The following UNC13C variants were observed in gnomAD, a reference collection of about 807,000 sequenced individuals.
UNC13C encodes protein unc-13 homolog C.
UNC13C carries 174 observed loss-of-function variants against 245.4 expected under a neutral mutation model. The ratio of observed to expected loss-of-function variants is 0.71; its 90% CI spans 0.63 to 0.80. UNC13C has a LOEUF of 0.80. Among genes scored for constraint, UNC13C ranks in the 30% least tolerant of loss-of-function variants. The pLI is 0.00. For synonymous variants in UNC13C, 992 were observed against 895.1 expected, an observed-to-expected ratio of 1.11 and a Z score of -1.93; for missense variants, 2,829 against 2,602.9, an observed-to-expected ratio of 1.09 and a Z score of -1.89.
At chr15:54,072,345 C>G (rs1370940087) in intron 2 of UNC13C, among the ~76,000 whole-genome samples, 1 of 152,126 alleles carries the variant, frequency 6.6e-6, no homozygotes, top group Non-Finnish European at 1.5e-5. Context: ...CTTAGTGTAT[C>G]TATAGATAAA....
chr15:54,354,324 T>C (rs2039047097), intron 17 of UNC13C, among the ~76,000 whole-genome samples: 1 of 152,226 alleles, frequency 6.6e-6, no homozygotes, highest in African/African-American at 2.4e-5. Context: ...TGTGCTAAAT[T>C]CACTGACCAG....
At chr15:54,464,311 A>C (rs962684151) in intron 19 of UNC13C, among the ~76,000 whole-genome samples, 1 of 152,090 alleles carries the variant, frequency 6.6e-6, no homozygotes. Flanking sequence ...CAGCATATCC[A>C]TCTTTTATTA....
the UNC13C span, among the ~76,000 whole-genome samples, chr15:53,959,635 C>T: frequency 6.6e-6 from 1 of 152,104 alleles, no homozygotes; most frequent in South Asian, 2.1e-4. Flanking sequence ...AGACCTCTAA[C>T]TCAGTTTGGT....
chr15:53,932,163 G>A, the UNC13C span, among the ~76,000 whole-genome samples: 1 of 152,032 alleles, frequency 6.6e-6, no homozygotes, highest in Admixed American at 6.6e-5. Context: ...ACAAAAATTA[G>A]CTGGGCGTGG....
intron 1 of UNC13C, among the ~76,000 whole-genome samples, chr15:53,997,951 C>T (rs139656414): frequency 7.9e-5 from 12 of 152,020 alleles, no homozygotes; most frequent in African/African-American, 1.7e-4. Context: ...TACAGGTGTG[C>T]GCCACCATGA....
chr15:53,890,140 C>CTTTTT, the UNC13C span, among the ~76,000 whole-genome samples: 5 of 145,244 alleles, frequency 3.4e-5, no homozygotes, highest in Admixed American at 6.9e-5. Context: ...ACCAGCGCCT[C>CTTTTT]TTTTTTTTTT....
At chr15:54,026,100 T>C (rs1032819074) in intron 2 of UNC13C, among the ~76,000 whole-genome samples, 1 of 152,198 alleles carries the variant, frequency 6.6e-6, no homozygotes, top group Non-Finnish European at 1.5e-5. Context: ...TAAGAAAGCA[T>C]TTTACTATCT....
At chr15:54,410,591 A>C (rs1268931489) in intron 18 of UNC13C, among the ~76,000 whole-genome samples, 1 of 152,138 alleles carries the variant, frequency 6.6e-6, no homozygotes, top group East Asian at 1.9e-4. Context: ...CTAGCCAGTT[A>C]TCCCAGCATC....
chr15:54,151,566 C>A (rs2032518450), intron 4 of UNC13C, among the ~76,000 whole-genome samples: 1 of 152,024 alleles, frequency 6.6e-6, no homozygotes, highest in Non-Finnish European at 1.5e-5. Context: ...TCATGCCTGG[C>A]TAATTTTTTT....
chr15:54,124,060 A>C (rs960653815), intron 2 of UNC13C, among the ~76,000 whole-genome samples: 1 of 152,184 alleles, frequency 6.6e-6, no homozygotes, highest in African/African-American at 2.4e-5. Flanking sequence ...CTAGCGTCCT[A>C]TGACATGGAT....
intron 1 of UNC13C, among the ~76,000 whole-genome samples, chr15:54,004,704 A>T (rs1566943010): frequency 6.6e-6 from 1 of 152,208 alleles, no homozygotes; most frequent in Non-Finnish European, 1.5e-5. Context: ...AATCCATTTT[A>T]ACCGGAGCGA....
the UNC13C span, among the ~76,000 whole-genome samples, chr15:53,859,720 C>A: frequency 0.026 from 3,989 of 152,226 alleles, 159 homozygotes; most frequent in African/African-American, 0.092. Context: ...AATGGATACC[C>A]AGGGAAGACA....
At chr15:54,076,112 T>TA (rs112819953) in intron 2 of UNC13C, among the ~76,000 whole-genome samples, 4,463 of 129,592 alleles carry the variant, frequency 0.034, 239 homozygotes, top group African/African-American at 0.11. Flanking sequence ...TATATATATA[T>TA]TTTTTTTTAT....
chr15:54,020,972 A>ATGTTAT (rs1895877912), intron 2 of UNC13C, among the ~76,000 whole-genome samples: 2 of 152,164 alleles, frequency 1.3e-5, no homozygotes, highest in African/African-American at 4.8e-5. Flanking sequence ...CCTTTTGTCT[A>ATGTTAT]GTATTTTTTG....
intron 19 of UNC13C, among the ~76,000 whole-genome samples, chr15:54,470,237 G>T (rs904000824): frequency 4.0e-5 from 6 of 151,450 alleles, no homozygotes. Flanking sequence ...TCTGGCTTTG[G>T]TATCAGTTTA....
chr15:54,546,133 G>A (rs57288219), intron 26 of UNC13C, among the ~76,000 whole-genome samples: 12,125 of 152,216 alleles, frequency 0.08, 1,281 homozygotes, highest in African/African-American at 0.24. Context: ...GGAATACCAT[G>A]CAGCCATGAA....
chr15:54,410,621 G>A (rs923865189), intron 18 of UNC13C, among the ~76,000 whole-genome samples: 18 of 152,084 alleles, frequency 1.2e-4, no homozygotes, highest in African/African-American at 2.7e-4. Context: ...ATGGGGAGTC[G>A]TTTCCCCATT....
chr15:54,004,401 A>G (rs1229601076), intron 1 of UNC13C, among the ~76,000 whole-genome samples: 2 of 152,194 alleles, frequency 1.3e-5, no homozygotes, highest in African/African-American at 2.4e-5. Context: ...TTATTTATCC[A>G]TTAATCTGTT....
At chr15:54,321,150 T>C in intron 13 of UNC13C, 1 of 518,594 alleles carries the variant, frequency 1.9e-6, no homozygotes, top group East Asian at 5.4e-5. Context: ...ACAGGGCTTT[T>C]CTTACTTCAC....
Sources: allele counts gnomAD v4.1 joint callset (sites outside exome capture counted in the v4.1 genomes callset), GRCh38; gene constraint gnomAD v4.1.1; transcripts MANE v1.5; gene names NCBI Gene and HGNC (gene_info 2026-07-23, HGNC 2026-07-21).